Variants in ANK1 observed in about 807,000 individuals in gnomAD.
ANK1 encodes the protein ankyrin 1, also known as ankyrin-1.
ANK1 carries 51 observed loss-of-function variants against 210.4 expected under a neutral mutation model. That is an observed-to-expected ratio of 0.24 (90% confidence interval 0.19 to 0.31). ANK1 has a LOEUF of 0.31. Among genes scored for constraint, ANK1 ranks in the 10% least tolerant of loss-of-function variants. ANK1 has a pLI of 1.00. For synonymous variants in ANK1, 967 were observed against 1,025.9 expected, an observed-to-expected ratio of 0.94 and a Z score of 1.10; for missense variants, 2,051 against 2,504.4, an observed-to-expected ratio of 0.82 and a Z score of 3.86.
At chr8:41,745,172 G>A (rs998940010) in intron 2 of ANK1, among the ~76,000 whole-genome samples, 26 of 152,098 alleles carry the variant, frequency 1.7e-4, no homozygotes, top group Admixed American at 5.9e-4. Flanking sequence ...AAGAAGGGGC[G>A]GGGAGATGTG....
At chr8:41,698,784 G>A (rs1821828202) in intron 23 of ANK1, among the ~76,000 whole-genome samples, 1 of 149,936 alleles carries the variant, frequency 6.7e-6, no homozygotes, top group Non-Finnish European at 1.5e-5. Flanking sequence ...AGTTTCTAAT[G>A]TGAATCTTCC....
chr8:41,835,950 G>A (rs1417042728), intron 1 of ANK1, among the ~76,000 whole-genome samples: 2 of 152,250 alleles, frequency 1.3e-5, no homozygotes, highest in East Asian at 3.8e-4. Flanking sequence ...CCCCACCAGG[G>A]AGGGGAGAGG....
chr8:41,763,171 G>A (rs750567535), intron 1 of ANK1, among the ~76,000 whole-genome samples: 2 of 148,954 alleles, frequency 1.3e-5, no homozygotes, highest in African/African-American at 2.5e-5. Flanking sequence ...CTGAGATTGC[G>A]GCACTGCACT....
chr8:41,806,293 C>T (rs1478730871), intron 1 of ANK1, among the ~76,000 whole-genome samples: 1 of 152,152 alleles, frequency 6.6e-6, no homozygotes, highest in Non-Finnish European at 1.5e-5. Flanking sequence ...AATAAAATGG[C>T]AGCCCAGGGA....
At chr8:41,701,924 T>C in intron 21 of ANK1, 128 bp downstream of exon 21, 1 of 975,054 alleles carries the variant, frequency 1.0e-6, no homozygotes, top group Non-Finnish European at 1.6e-6. Flanking sequence ...CTCCCACCCG[T>C]CGGGCGCGGC....
intron 37 of ANK1, among the ~76,000 whole-genome samples, chr8:41,677,587 T>C (rs1814573303): frequency 7.3e-6 from 1 of 137,624 alleles, no homozygotes; most frequent in South Asian, 2.4e-4. Flanking sequence ...TTTTTCCCTT[T>C]TTCTTTGTTT....
chr8:41,816,644 G>C (rs549359080), intron 1 of ANK1, among the ~76,000 whole-genome samples: 1 of 152,162 alleles, frequency 6.6e-6, no homozygotes, highest in East Asian at 1.9e-4. Flanking sequence ...TGCCCAGGCT[G>C]GTCTTGCCCT....
chr8:41,867,746 A>T (rs896946984), intron 1 of ANK1, among the ~76,000 whole-genome samples: 2 of 152,104 alleles, frequency 1.3e-5, no homozygotes, highest in African/African-American at 4.8e-5. Flanking sequence ...TGTCTCCCCC[A>T]CTGAAATGAC....
intron 16 of ANK1, among the ~76,000 whole-genome samples, chr8:41,713,310 C>G (rs59793548): frequency 0.091 from 13,903 of 152,258 alleles, 2,073 homozygotes; most frequent in African/African-American, 0.31. Flanking sequence ...CCCTTCTCCC[C>G]GCTGGCCACC....
At position 41,661,980 on chromosome 8, in the gene ANK1, C is replaced by T. The variant is rs745616608; in HGVS notation, c.5479-39G>A. On this transcript the variant is annotated intron_variant, in intron 40 of 42. Transcript: ENST00000289734. The stretch of plus-strand genomic sequence containing the variant: ...GGAAGGAGGAAAGGGCTGGTCAGGC[C>T]GGGCTCGGGGGCTCATGTCTGTAAT... The T allele has an allele frequency of 4.4e-6, 7 of 1,608,810 alleles. No homozygotes were observed. In the South Asian group the frequency reaches 4.4e-5, roughly 10 times the overall value.
chr8:41,877,056 G>A (rs2150828874), intron 1 of ANK1, among the ~76,000 whole-genome samples: 1 of 152,284 alleles, frequency 6.6e-6, no homozygotes, highest in Non-Finnish European at 1.5e-5. Context: ...TGCTTTGGGA[G>A]GCCGAGGCGG....
intron 10 of ANK1, among the ~76,000 whole-genome samples, chr8:41,719,417 TC>T (rs1476901594): frequency 1.3e-5 from 2 of 152,096 alleles, no homozygotes; most frequent in African/African-American, 4.8e-5. Context: ...CCCAAACTCA[TC>T]CCTGACCTCG....
intron 1 of ANK1, among the ~76,000 whole-genome samples, chr8:41,802,995 GAGAA>G (rs58986564): frequency 0.086 from 4,901 of 57,196 alleles, 404 homozygotes; most frequent in African/African-American, 0.17. Context: ...GAGAGAAAGA[GAGAA>G]AGAAAGAAAG....
chr8:41,806,334 A>G (rs181778597), intron 1 of ANK1, among the ~76,000 whole-genome samples: 250 of 152,312 alleles, frequency 1.6e-3, no homozygotes, highest in Non-Finnish European at 1.8e-3. Context: ...ATCTTTCCAG[A>G]GCAGAGTTCA....
intron 1 of ANK1, among the ~76,000 whole-genome samples, chr8:41,771,620 A>G (rs1355397305): frequency 1.3e-5 from 2 of 152,210 alleles, no homozygotes; most frequent in African/African-American, 4.8e-5. Context: ...TGGAGTCTTC[A>G]GGCTTTTCCC....
chr8:41,674,147 C>T (rs750214354), intron 37 of ANK1, among the ~76,000 whole-genome samples: 37 of 152,162 alleles, frequency 2.4e-4, no homozygotes, highest in Non-Finnish European at 4.6e-4. Flanking sequence ...TCAGCCTCCG[C>T]TCGGGGCCTC....
At chr8:41,896,115 C>T (rs947100821) in intron 1 of ANK1, among the ~76,000 whole-genome samples, 41 of 152,216 alleles carry the variant, frequency 2.7e-4, no homozygotes, top group Admixed American at 2.6e-4. Context: ...GAGGATTCTG[C>T]GCGCCCTCAG....
intron 1 of ANK1, among the ~76,000 whole-genome samples, chr8:41,816,670 T>C (rs1327713005): frequency 6.6e-6 from 1 of 152,108 alleles, no homozygotes; most frequent in East Asian, 1.9e-4. Flanking sequence ...CCTCAAGCAG[T>C]CCTCCCACCT....
intron 1 of ANK1, among the ~76,000 whole-genome samples, chr8:41,865,014 G>A (rs1436205504): frequency 6.6e-6 from 1 of 152,174 alleles, no homozygotes; most frequent in Admixed American, 6.5e-5. Flanking sequence ...CAGAAGCCTT[G>A]AGGCTCCAGA....
Sources: allele counts gnomAD v4.1 joint callset (sites outside exome capture counted in the v4.1 genomes callset), GRCh38; gene constraint gnomAD v4.1.1; transcripts MANE v1.5; gene names NCBI Gene and HGNC (gene_info 2026-07-23, HGNC 2026-07-21).